CADM2: variants seen among roughly 807,000 people sequenced by gnomAD.
The protein encoded by CADM2 is immunoglobulin superfamily member 4D.
CADM2 carries 12 observed loss-of-function variants against 49.8 expected under a neutral mutation model. The ratio of observed to expected loss-of-function variants is 0.24; its 90% confidence interval spans 0.15 to 0.39. The LOEUF (loss-of-function observed/expected upper bound fraction) is 0.39, where lower values mean the gene tolerates loss of function less well. CADM2 is among the 10% of genes least tolerant of loss of function. The pLI is 1.00. For synonymous variants in CADM2, 214 were observed against 175.4 expected (o/e 1.22, Z -1.74); for missense variants, 378 against 492.3 (o/e 0.77, Z 2.20).
chr3:85,593,746 T>G (rs910609220), intron 1 of CADM2, among the ~76,000 whole-genome samples: 4 of 152,014 alleles, frequency 2.6e-5, no homozygotes, highest in Admixed American at 2.6e-4. Context: ...GCTTTGAATC[T>G]CTACATTATA....
At chr3:85,271,633 GC>G (rs1299281539) in intron 1 of CADM2, among the ~76,000 whole-genome samples, 2 of 150,802 alleles carry the variant, frequency 1.3e-5, no homozygotes, top group Non-Finnish European at 3.0e-5. Context: ...AATTTGTCAG[GC>G]CCAGGTGTCA....
intron 3 of CADM2, among the ~76,000 whole-genome samples, chr3:85,820,489 A>C (rs1257403168): frequency 6.6e-6 from 1 of 152,124 alleles, no homozygotes; most frequent in African/African-American, 2.4e-5. Context: ...GTGTATTTGA[A>C]AGTAGAGCAA....
chr3:85,155,513 C>T (rs1458881397), intron 1 of CADM2, among the ~76,000 whole-genome samples: 1 of 152,058 alleles, frequency 6.6e-6, no homozygotes, highest in Non-Finnish European at 1.5e-5. Context: ...ACCCCACTGT[C>T]AACATTAGAC....
Position 85,152,839 on chromosome 3 carries a change from C to T in CADM2, c.61+193171C>T, listed in dbSNP as rs113469009. ...TATTTGCCGGGCGTGGTGGCGGGTG[C>T]TTGTAGTGCCAGCTACTCGGGAGGC... On this transcript the variant is annotated intron_variant, in intron 1 of 9. Coordinates refer to ENST00000383699, the MANE Select transcript of CADM2 (RefSeq NM_001167675.2). Among the ~76,000 whole-genome samples, 272 of 151,798 alleles carry T rather than the reference C, an allele frequency of 1.8e-3. 1 individual carries two copies. Among genetic ancestry groups the T allele is most frequent in the African/African-American group, 6.3e-3 (261 of 41,368 alleles).
chr3:85,104,565 A>G (rs1008418674), intron 1 of CADM2, among the ~76,000 whole-genome samples: 1 of 151,902 alleles, frequency 6.6e-6, no homozygotes, highest in Non-Finnish European at 1.5e-5. Context: ...TCTTTTTTGG[A>G]ACCATATGAA....
At chr3:85,366,259 T>G (rs892111017) in intron 1 of CADM2, among the ~76,000 whole-genome samples, 2 of 152,190 alleles carry the variant, frequency 1.3e-5, no homozygotes, top group African/African-American at 4.8e-5. Flanking sequence ...ATTGAGGCAT[T>G]GCCAACTTTA....
At chr3:85,540,964 C>T (rs1408916110) in intron 1 of CADM2, among the ~76,000 whole-genome samples, 1 of 151,964 alleles carries the variant, frequency 6.6e-6, no homozygotes, top group Non-Finnish European at 1.5e-5. Flanking sequence ...ATCAGGGTCC[C>T]ACCTTTCTTT....
intron 1 of CADM2, among the ~76,000 whole-genome samples, chr3:85,435,448 T>C (rs1208179458): frequency 6.6e-6 from 1 of 152,130 alleles, no homozygotes; most frequent in Admixed American, 6.6e-5. Flanking sequence ...CCAAGTCTTT[T>C]CTATTGTGAA....
At chr3:85,844,096 A>G (rs1169935037) in intron 3 of CADM2, among the ~76,000 whole-genome samples, 1 of 152,062 alleles carries the variant, frequency 6.6e-6, no homozygotes, top group Non-Finnish European at 1.5e-5. Context: ...TCAGCTCTCC[A>G]ATACAGATAA....
chr3:85,857,704 T>C (rs563332090), intron 3 of CADM2, among the ~76,000 whole-genome samples: 15 of 152,184 alleles, frequency 9.9e-5, no homozygotes, highest in Non-Finnish European at 1.9e-4. Flanking sequence ...TTGGTTCTTA[T>C]AATAGCTGTT....
chr3:86,022,257 A>G (rs1201499824), intron 8 of CADM2, among the ~76,000 whole-genome samples: 1 of 152,156 alleles, frequency 6.6e-6, no homozygotes, highest in Non-Finnish European at 1.5e-5. Flanking sequence ...TGAACTACAG[A>G]TGGTTCTTTA....
intron 1 of CADM2, among the ~76,000 whole-genome samples, chr3:85,194,705 C>T (rs1225455785): frequency 6.6e-6 from 1 of 151,964 alleles, no homozygotes; most frequent in Non-Finnish European, 1.5e-5. Flanking sequence ...TTAGAATCCT[C>T]ATCCATTAGA....
chr3:85,961,254 A>T (rs7619901), intron 7 of CADM2, among the ~76,000 whole-genome samples: 6,737 of 151,522 alleles, frequency 0.044, 507 homozygotes, highest in African/African-American at 0.15. Context: ...CTCTGAATAC[A>T]TATCTGCTTA....
intron 1 of CADM2, among the ~76,000 whole-genome samples, chr3:85,147,215 C>T (rs1314233066): frequency 4.7e-5 from 6 of 128,534 alleles, no homozygotes; most frequent in East Asian, 5.5e-4. Context: ...GCGGAGCTTG[C>T]GGTGAGCTGA....
At chr3:85,304,301 T>C (rs1474926212) in intron 1 of CADM2, among the ~76,000 whole-genome samples, 1 of 151,840 alleles carries the variant, frequency 6.6e-6, no homozygotes, top group African/African-American at 2.4e-5. Context: ...CTTGTAATTG[T>C]TCTTAGAAGT....
rs75243012 is a variant in CADM2 at position 85,288,585 on chromosome 3, A to G, written c.61+328917A>G. 5.0e-3 allele frequency among the ~76,000 whole-genome samples: 768 copies of G among 152,238 alleles called. 7 individuals are homozygous for G. The highest frequency in any genetic ancestry group is 0.018 in the African/African-American group (741 of 41,546). ...CTCTGCAGAATTTGTAATATATTCA[A>G]TTGCAGGCATATTTCAAATAATTGC... is the stretch of plus-strand genomic sequence containing the variant. On this transcript the variant is annotated intron_variant, in intron 1 of 9. Transcript: ENST00000383699.
At chr3:86,040,075 C>T (rs951556021) in intron 8 of CADM2, among the ~76,000 whole-genome samples, 2 of 152,114 alleles carry the variant, frequency 1.3e-5, no homozygotes, top group African/African-American at 2.4e-5. Flanking sequence ...CACCGAAACC[C>T]CATCTGTATG....
At chr3:85,565,044 A>G (rs1331044592) in intron 1 of CADM2, among the ~76,000 whole-genome samples, 2 of 152,080 alleles carry the variant, frequency 1.3e-5, no homozygotes, top group East Asian at 1.9e-4. Context: ...AGGACTCACA[A>G]TCATGAACAA....
chr3:85,949,836 A>C (rs1324538530), intron 7 of CADM2, among the ~76,000 whole-genome samples: 3 of 151,044 alleles, frequency 2.0e-5, no homozygotes, highest in Admixed American at 6.6e-5. Flanking sequence ...TTTTATATTA[A>C]AGGAAGTAAT....
Sources: gnomAD v4.1 joint callset for allele counts (sites outside exome capture counted in the v4.1 genomes callset) on GRCh38, gnomAD v4.1.1 for gene constraint, MANE v1.5 for transcripts, NCBI Gene and HGNC (gene_info 2026-07-23, HGNC 2026-07-21) for gene names.